Variants in UMOD observed in about 807,000 individuals in gnomAD.
The protein encoded by UMOD is uromodulin.
UMOD carries 64 observed loss-of-function variants against 66.0 expected under a neutral mutation model. That is an observed-to-expected ratio of 0.97 (90% CI 0.79 to 1.19). UMOD has a LOEUF of 1.19. Among genes scored for constraint, UMOD ranks in the 50% most tolerant of loss-of-function variants. The probability of loss-of-function intolerance (pLI) is 0.00; values close to 1 mark genes in which losing one functional copy is unlikely to be tolerated. For missense variants in UMOD, 764 were observed against 850.9 expected (o/e 0.90, Z 1.27); for synonymous variants, 398 against 352.7 (o/e 1.13, Z -1.44).
chr16:20,352,410 C>G, intron 1 of UMOD: 1 of 342,952 alleles, frequency 2.9e-6, no homozygotes, highest in Non-Finnish European at 5.2e-6. Context: ...CAGCACATAG[C>G]AAGTTGTTCA....
At position 20,350,755 on chromosome 16, in the gene UMOD, C is replaced by A. The variant is rs200053001; in HGVS notation, c.-18G>T. The A allele has an allele frequency of 7.4e-6, 12 of 1,614,166 alleles. No individual in the cohort carries two copies. Among genetic ancestry groups the A allele is most frequent in the Non-Finnish European group, 9.3e-6 (11 of 1,179,994 alleles). Reference sequence around the variant, plus strand: ...TGCCCCATCCTTTCTGCTCTTCCCGCTACTTCAGGTCTAGATAGCACCTGC... The same window carrying A: ...TGCCCCATCCTTTCTGCTCTTCCCGATACTTCAGGTCTAGATAGCACCTGC... On this transcript the variant is annotated 5_prime_UTR_variant, in exon 2 of 11. Coordinates refer to ENST00000396138, the MANE Select transcript of UMOD (RefSeq NM_003361.4).
Position 20,350,759 on chromosome 16 carries a change from T to A in UMOD, c.-22A>T. 1.2e-6 allele frequency: 2 copies of A among 1,614,102 alleles called. No individual in the cohort carries two copies. The highest frequency in any genetic ancestry group is 1.7e-6 in the Non-Finnish European group (2 of 1,179,970). ...CCATCCTTTCTGCTCTTCCCGCTAC[T>A]TCAGGTCTAGATAGCACCTGCCCAA... On this transcript the variant is annotated 5_prime_UTR_variant, in exon 2 of 11. The change creates a new upstream start codon in the 5' untranslated region. Transcript: ENST00000396138.
chr16:20,335,632 C>T (rs1964828732), intron 9 of UMOD, 112 bp from the exon 10 acceptor site: 2 of 1,037,130 alleles, frequency 1.9e-6, no homozygotes, highest in Non-Finnish European at 3.0e-6. Flanking sequence ...CTGATCTCTT[C>T]AAAACCCAAA....
chr16:20,335,347 C>T, intron 10 of UMOD, 135 bp downstream of exon 10: 2 of 853,550 alleles, frequency 2.3e-6, no homozygotes, highest in Admixed American at 2.1e-5. Context: ...TTCTCTGAGC[C>T]ACTCTCCTTA....
In UMOD at chr16:20,345,480, T is replaced by TCTCTCCC. The variant is rs1965515619; in HGVS notation, c.1182+645_1182+646insGGGAGAG. The stretch of plus-strand genomic sequence containing the variant: ...TTTCTTTCCTTCCTTCCTTCCTTCC[T>TCTCTCCC]TCCCTCCCTCCCTCCCTCCCTCCCT... On this transcript the variant is annotated intron_variant, in intron 5 of 10. Coordinates refer to ENST00000396138, the MANE Select transcript of UMOD (RefSeq NM_003361.4). Among the ~76,000 whole-genome samples the TCTCTCCC allele has an allele frequency of 4.3e-4, 12 of 28,232 alleles. No homozygotes were observed. In the South Asian group the frequency reaches 8.9e-3, roughly 21 times the overall value. 18.5% of individuals were successfully genotyped at this position (28,232 alleles called of 152,430 possible). A position where few individuals can be genotyped will look rare whatever the true frequency, so the allele number is the denominator to read the frequency against.
At chr16:20,343,977 T>G in intron 6 of UMOD, 47 bp downstream of exon 6, 1 of 1,610,690 alleles carries the variant, frequency 6.2e-7, no homozygotes, top group African/African-American at 1.3e-5. Context: ...TTAAGGGGTT[T>G]GGGGTTAGAA....
At chr16:20,343,124 C>T (rs773014181) in intron 6 of UMOD, among the ~76,000 whole-genome samples, 7 of 110,634 alleles carry the variant, frequency 6.3e-5, no homozygotes, top group African/African-American at 1.6e-4. Context: ...TACGAGACTC[C>T]GTCTCAATAA....
chr16:20,354,832 A>T (rs983051985), upstream of UMOD, among the ~76,000 whole-genome samples: 2 of 152,138 alleles, frequency 1.3e-5, no homozygotes, highest in African/African-American at 4.8e-5. Context: ...CTTATCTGTG[A>T]ATGTGCCTTT....
At position 20,335,516 on chromosome 16, in the gene UMOD, G is replaced by A. The variant is rs1255210434; in HGVS notation, c.1827C>T (p.Val609=). The A allele has an allele frequency of 2.5e-6, 4 of 1,613,998 alleles. No homozygotes were observed. Among genetic ancestry groups the A allele is most frequent in the Non-Finnish European group, 3.4e-6 (4 of 1,179,992 alleles). The part of the protein sequence containing the change: ...LNLGPITRKG[V]QATVSRAFSS... ...TAAAAGCCCTTGAGACTGTGGCCTG[G>A]ACACCTTTGGAGGAAAACAGAAGGA... The change falls in exon 10 of 11, where the codon GTC becomes GTT. Residue 609 remains valine, a synonymous_variant. Transcript: ENST00000396138.
In UMOD at chr16:20,337,315, G is replaced by A. The variant is rs1011102410; in HGVS notation, c.1716C>T (p.Asp572=). The part of the protein sequence containing the change: ...VYLHCEVYLC[D]TMNEKCKPTC... Reference sequence around the variant, plus strand: ...CAGGCTTGCACTTTTCATTCATGGTGTCACAGAGATAGACTTCACAGTGCA... The same window carrying A: ...CAGGCTTGCACTTTTCATTCATGGTATCACAGAGATAGACTTCACAGTGCA... The change falls in exon 8 of 11, where the codon GAC becomes GAT. Residue 572 remains aspartate (D), a synonymous_variant. Transcript: ENST00000396138. The A allele has an allele frequency of 6.2e-7, 1 of 1,614,194 alleles. No individual in the cohort carries two copies. Among genetic ancestry groups the A allele is most frequent in the Admixed American group, 1.7e-5 (1 of 60,020 alleles).
At chr16:20,348,415 T>A in intron 3 of UMOD, 21 bp downstream of exon 3, 1 of 1,614,042 alleles carries the variant, frequency 6.2e-7, no homozygotes, top group Non-Finnish European at 8.5e-7. Flanking sequence ...GGATGAGGAC[T>A]GTGGGGAGAC....
At position 20,346,230 on chromosome 16, in the gene UMOD, A is replaced by G; in HGVS notation, c.1078T>C (p.Tyr360His). 6.2e-7 allele frequency: 1 copy of G among 1,614,284 alleles called. No individual in the cohort carries two copies. Among genetic ancestry groups the G allele is most frequent in the Non-Finnish European group, 8.5e-7 (1 of 1,180,054 alleles). ...CCCGAGCACCGGCTGTCACTCAGGT[A>G]CATGAAGACCTTGTCGAAGCCCAGA... ...KSLGFDKVFMYLSDSRCSGFN... is the reference protein window; with the variant it reads ...KSLGFDKVFMHLSDSRCSGFN... The change falls in exon 5 of 11, where the codon TAC (tyrosine) becomes CAC (histidine). Residue 360 changes from tyrosine to histidine, a missense_variant. Physicochemically the swap from Tyr to His is moderately conservative, Grantham distance 83. Transcript: ENST00000396138.
At position 20,346,191 on chromosome 16, in the gene UMOD, C is replaced by G; in HGVS notation, c.1117G>C (p.Asp373His). 1 of 1,614,270 alleles carries G rather than the reference C, an allele frequency of 6.2e-7. No homozygotes were observed. Among genetic ancestry groups the G allele is most frequent in the Non-Finnish European group, 8.5e-7 (1 of 1,180,056 alleles). ...ACTACAGACACCCAGTCCCGGTTGT[C>G]TCTGTCATTGAAGCCCGAGCACCGG... ...DSRCSGFNDRDNRDWVSVVTP... is the reference protein window; with the variant it reads ...DSRCSGFNDRHNRDWVSVVTP... Residue 373 changes from aspartate to histidine, a missense_variant, in exon 5 of 11, where the codon GAC becomes CAC. Coordinates refer to ENST00000396138, the MANE Select transcript of UMOD (RefSeq NM_003361.4).
At chr16:20,335,385 C>T (rs1964812609) in intron 10 of UMOD, 97 bp downstream of exon 10, 1 of 1,294,430 alleles carries the variant, frequency 7.7e-7, no homozygotes, top group African/African-American at 1.5e-5. Flanking sequence ...GTAACACCTC[C>T]CTTATAGAGT....
At position 20,346,200 on chromosome 16, in the gene UMOD, T is replaced by G; in HGVS notation, c.1108A>C (p.Asn370His). 1 of 1,614,226 alleles carries G rather than the reference T, an allele frequency of 6.2e-7. No homozygotes were observed. The highest frequency in any genetic ancestry group is 8.5e-7 in the Non-Finnish European group (1 of 1,180,046). ...YLSDSRCSGFNDRDNRDWVSV... is the reference protein window; with the variant it reads ...YLSDSRCSGFHDRDNRDWVSV... ...ACCCAGTCCCGGTTGTCTCTGTCAT[T>G]GAAGCCCGAGCACCGGCTGTCACTC... The change falls in exon 5 of 11, where the codon AAT becomes CAT. Residue 370 changes from asparagine (N) to histidine (H), a missense_variant. Transcript: ENST00000396138.
intron 7 of UMOD, among the ~76,000 whole-genome samples, chr16:20,340,301 G>T (rs1484485514): frequency 6.6e-6 from 1 of 151,992 alleles, no homozygotes; most frequent in Non-Finnish European, 1.5e-5. Flanking sequence ...GAGCCTGGGT[G>T]GTTGAGGCTG....
At chr16:20,349,949 G>A (rs1279938903) in intron 2 of UMOD, 1 of 1,431,472 alleles carries the variant, frequency 7.0e-7, no homozygotes, top group Non-Finnish European at 9.3e-7. Context: ...GCAATAGGAT[G>A]TGCACTTTTC....
chr16:20,334,529 T>C (rs554595338), intron 10 of UMOD, among the ~76,000 whole-genome samples: 4 of 152,178 alleles, frequency 2.6e-5, no homozygotes, highest in Non-Finnish European at 4.4e-5. Context: ...TGGGTAAACA[T>C]GTCTGGATGA....
chr16:20,347,624 C>G (rs1411739992), intron 4 of UMOD, among the ~76,000 whole-genome samples: 1 of 152,064 alleles, frequency 6.6e-6, no homozygotes, highest in African/African-American at 2.4e-5. Context: ...GAGATTCAGT[C>G]CATTAGAAGA....
Sources: gnomAD v4.1 joint callset for allele counts (sites outside exome capture counted in the v4.1 genomes callset) on GRCh38, gnomAD v4.1.1 for gene constraint, MANE v1.5 for transcripts, NCBI Gene and HGNC (gene_info 2026-07-23, HGNC 2026-07-21) for gene names.